Variants in FAM204A observed in about 807,000 individuals in gnomAD.
FAM204A encodes protein FAM204A.
A neutral mutation model predicts 35.4 loss-of-function variants in FAM204A; 16 were observed. The observed-to-expected ratio is 0.45, with a 90% confidence interval of 0.31 to 0.69. The LOEUF (loss-of-function observed/expected upper bound fraction) is 0.69. Among genes scored for constraint, FAM204A ranks in the 30% least tolerant of loss-of-function variants. The pLI is 0.07. For missense variants in FAM204A, 240 were observed against 265.7 expected, an observed-to-expected ratio of 0.90 and a Z score of 0.67; for synonymous variants, 76 against 86.9, an observed-to-expected ratio of 0.88 and a Z score of 0.70.
intron 8 of FAM204A, 87 bp from the exon 9 acceptor site, chr10:118,310,995 A>G: frequency 7.4e-7 from 1 of 1,345,118 alleles, no homozygotes. Flanking sequence ...CCAAAGCAAA[A>G]CAAACAAAAA....
rs1845868890 is a variant in FAM204A, at chr10:118,306,616, T to TGGCA, written c.*4237_*4240dup. 1 of 152,244 alleles carries TGGCA rather than the reference T, an allele frequency of 6.6e-6. No homozygotes were observed. The highest frequency in any genetic ancestry group is 1.5e-5 in the Non-Finnish European group (1 of 68,044). The allele number at this position is 152,244 out of a possible 1,614,324, so 9.4% of individuals were successfully genotyped here. On this transcript the variant is annotated 3_prime_UTR_variant, in exon 9 of 9. Transcript: ENST00000369183. Reference sequence around the variant, plus strand: ...GGGATTAAGATCATGAAAGCCAATGTGGCAGGAAGCTACTCTGAAGCATCT... The same window carrying TGGCA: ...GGGATTAAGATCATGAAAGCCAATGTGGCAGGCAGGAAGCTACTCTGAAGCATCT...
chr10:118,333,806 T>C (rs1846329596), intron 6 of FAM204A, among the ~76,000 whole-genome samples: 1 of 152,176 alleles, frequency 6.6e-6, no homozygotes, highest in East Asian at 1.9e-4. Context: ...AAATTCTGTT[T>C]TGACAGTTCC....
At chr10:118,314,182 A>C (rs181752097) in intron 7 of FAM204A, among the ~76,000 whole-genome samples, 2 of 152,344 alleles carry the variant, frequency 1.3e-5, no homozygotes, top group Non-Finnish European at 1.5e-5. Context: ...AGCTTAATAA[A>C]TATAATAAAC....
intron 7 of FAM204A, among the ~76,000 whole-genome samples, chr10:118,318,907 T>C (rs957048486): frequency 1.3e-4 from 19 of 151,716 alleles, no homozygotes; most frequent in Admixed American, 6.6e-4. Context: ...CTGATCAAAA[T>C]TGTATTATTT....
At chr10:118,311,353 A>ATTC (rs1845949803) in intron 7 of FAM204A, 40 bp from the exon 8 acceptor site, 2 of 1,447,542 alleles carry the variant, frequency 1.4e-6, no homozygotes, top group Non-Finnish European at 1.9e-6. Flanking sequence ...GAAAATAAAT[A>ATTC]TTCCAGCTAA....
chr10:118,320,904 GTTTT>G (rs34541006), intron 7 of FAM204A, among the ~76,000 whole-genome samples: 1 of 133,896 alleles, frequency 7.5e-6, no homozygotes, highest in Admixed American at 7.5e-5. Flanking sequence ...TGTGTGTGTG[GTTTT>G]TTTTTTTTAA....
At chr10:118,317,331 A>ATAAGGAAAATC (rs1452758551) in intron 7 of FAM204A, among the ~76,000 whole-genome samples, 4 of 152,092 alleles carry the variant, frequency 2.6e-5, no homozygotes, top group African/African-American at 7.2e-5. Context: ...AAACATGCTG[A>ATAAGGAAAATC]TTAATTGAAC....
chr10:118,326,314 C>G lies in FAM204A; in HGVS notation c.454-71G>C, dbSNP rs1443686981. On this transcript the variant is annotated intron_variant, in intron 6 of 8. Coordinates refer to ENST00000369183, the MANE Select transcript of FAM204A (RefSeq NM_022063.3). ...ACATTTGCTAGCCAAGACCATGTCA[C>G]AGAATTATACTGAATGTGTTACACA... is the stretch of plus-strand genomic sequence containing the variant. 2.1e-5 allele frequency: 26 copies of G among 1,233,446 alleles called. No individual in the cohort carries two copies. In the East Asian group the frequency reaches 2.6e-4, roughly 12 times the overall value. The allele number at this position is 1,233,446 out of a possible 1,614,324, so 76.4% of individuals were successfully genotyped here.
In FAM204A at chr10:118,307,729, GTTA is replaced by G. The variant is rs770955096; in HGVS notation, c.*3125_*3127del. 7.9e-5 allele frequency: 12 copies of G among 152,026 alleles called. No homozygotes were observed. Among genetic ancestry groups the G allele is most frequent in the Non-Finnish European group, 1.5e-4 (10 of 68,000 alleles). The allele number at this position is 152,026 out of a possible 1,614,324, so 9.4% of individuals were successfully genotyped here. A position where few individuals can be genotyped will look rare whatever the true frequency, so the allele number is the denominator to read the frequency against. On this transcript the variant is annotated 3_prime_UTR_variant, in exon 9 of 9. Coordinates refer to ENST00000369183, the MANE Select transcript of FAM204A (RefSeq NM_022063.3). ...TTAAATTCAAACTTGTCTTATTAAA[GTTA>G]TTAATAAGCTAAAAGATAATATTTT... is the stretch of plus-strand genomic sequence containing the variant.
intron 6 of FAM204A, among the ~76,000 whole-genome samples, chr10:118,332,671 C>G (rs77731802): frequency 1.3e-5 from 2 of 151,504 alleles, no homozygotes; most frequent in Non-Finnish European, 2.9e-5. Context: ...AACAAACAAA[C>G]AAAAAAAACC....
rs1174480788 is a variant in FAM204A at position 118,303,334 on chromosome 10, T to C, written c.*7523A>G. Reference sequence around the variant, plus strand: ...AATAACAATGAATCCTCAAAGTGTTTTTAAAAAATTTACAGAACAATAACA... The same window carrying C: ...AATAACAATGAATCCTCAAAGTGTTCTTAAAAAATTTACAGAACAATAACA... On this transcript the variant is annotated 3_prime_UTR_variant, in exon 9 of 9. Transcript: ENST00000369183. The C allele has an allele frequency of 6.6e-6, 1 of 152,242 alleles. No individual in the cohort carries two copies. The highest frequency in any genetic ancestry group is 6.5e-5 in the Admixed American group (1 of 15,288). 9.4% of individuals were successfully genotyped at this position (152,242 alleles called of 1,614,324 possible).
intron 7 of FAM204A, among the ~76,000 whole-genome samples, chr10:118,325,389 C>G (rs1383935610): frequency 6.6e-6 from 1 of 151,868 alleles, no homozygotes; most frequent in African/African-American, 2.4e-5. Flanking sequence ...CCATGATGCT[C>G]TCTACGTAAC....
chr10:118,313,051 A>T (rs902886600), intron 7 of FAM204A, among the ~76,000 whole-genome samples: 2 of 152,152 alleles, frequency 1.3e-5, no homozygotes, highest in African/African-American at 4.8e-5. Flanking sequence ...CTGTATTATC[A>T]TCATCCCAGG....
At chr10:118,311,476 G>T in intron 7 of FAM204A, 163 bp from the exon 8 acceptor site, 1 of 597,476 alleles carries the variant, frequency 1.7e-6, no homozygotes. Flanking sequence ...TACAAAGACA[G>T]GACCCATATC....
Position 118,302,969 on chromosome 10 carries a change from A to C in FAM204A, c.*7888T>G, listed in dbSNP as rs1845824759. 1 of 152,144 alleles carries C rather than the reference A, an allele frequency of 6.6e-6. No individual in the cohort carries two copies. Among genetic ancestry groups the C allele is most frequent in the Non-Finnish European group, 1.5e-5 (1 of 68,036 alleles). The allele number at this position is 152,144 out of a possible 1,614,324, so 9.4% of individuals were successfully genotyped here. Reference sequence around the variant, plus strand: ...TCCCAGGCCCTGCCCCCAGAGAGGGACCCTGGAGTTTACATTTTTAACAAG... The same window carrying C: ...TCCCAGGCCCTGCCCCCAGAGAGGGCCCCTGGAGTTTACATTTTTAACAAG... On this transcript the variant is annotated 3_prime_UTR_variant, in exon 9 of 9. Coordinates refer to ENST00000369183, the MANE Select transcript of FAM204A (RefSeq NM_022063.3).
chr10:118,336,238 A>C lies in FAM204A; in HGVS notation c.178T>G (p.Ser60Ala), dbSNP rs774052082. ...STDEPKTETE[S>A]NVNAYEECPS... ...CACTCTTCATAGGCATTTACATTTGACTCTGTTTCAGTTTTTGGTTCATCT... is the reference window on the plus strand; with the variant it reads ...CACTCTTCATAGGCATTTACATTTGCCTCTGTTTCAGTTTTTGGTTCATCT... The change falls in exon 3 of 9, where the codon TCA becomes GCA. Residue 60 changes from serine to alanine, a missense_variant. Ser to Ala is a moderately conservative substitution (Grantham distance 99). This residue lies in a region of FAM204A where 232 missense variants were observed against 242.8 expected (regional missense o/e 0.96). Coordinates refer to ENST00000369183, the MANE Select transcript of FAM204A (RefSeq NM_022063.3). 1 of 1,613,640 alleles carries C rather than the reference A, an allele frequency of 6.2e-7. No homozygotes were observed. Among genetic ancestry groups the C allele is most frequent in the Non-Finnish European group, 8.5e-7 (1 of 1,179,756 alleles).
chr10:118,329,899 G>T (rs1227799799), intron 6 of FAM204A, among the ~76,000 whole-genome samples: 1 of 152,100 alleles, frequency 6.6e-6, no homozygotes, highest in African/African-American at 2.4e-5. Context: ...AGCTTCCAGA[G>T]AATTCACAAC....
chr10:118,323,012 G>A (rs545724267), intron 7 of FAM204A, among the ~76,000 whole-genome samples: 1 of 152,198 alleles, frequency 6.6e-6, no homozygotes, highest in South Asian at 2.1e-4. Flanking sequence ...CTGAAGACTA[G>A]GCTTTCCCTT....
At chr10:118,325,039 A>C (rs1347232430) in intron 7 of FAM204A, among the ~76,000 whole-genome samples, 2 of 152,044 alleles carry the variant, frequency 1.3e-5, no homozygotes, top group African/African-American at 4.8e-5. Context: ...TAAACACAGA[A>C]GTATTTAATG....
Sources: gnomAD v4.1 joint callset for allele counts (sites outside exome capture counted in the v4.1 genomes callset) on GRCh38, gnomAD v4.1.1 for gene constraint, gnomAD v4.1.1 regional missense constraint, MANE v1.5 for transcripts, NCBI Gene and HGNC (gene_info 2026-07-23, HGNC 2026-07-21) for gene names.